MYO3B: variants seen among roughly 807,000 people sequenced by gnomAD.
MYO3B encodes myosin IIIB, also known as myosin-IIIb.
MYO3B carries 156 observed loss-of-function variants against 174.6 expected under a neutral mutation model. That is an observed-to-expected ratio of 0.89 (90% CI 0.78 to 1.02). The LOEUF is 1.02. MYO3B is among the 50% of genes least tolerant of loss of function. MYO3B has a pLI of 0.00. For synonymous variants in MYO3B, 563 were observed against 569.1 expected (o/e 0.99, Z 0.15); for missense variants, 1,632 against 1,639.4 (o/e 1.00, Z 0.08).
At chr2:170,220,653 A>T (rs11690057) in intron 6 of MYO3B, among the ~76,000 whole-genome samples, 64,649 of 140,892 alleles carry the variant, frequency 0.46, 15,632 homozygotes, top group East Asian at 0.55. Flanking sequence ...AAAAAAAAAA[A>T]ATGGAGTGTT....
chr2:170,387,399 C>A, intron 14 of MYO3B, 91 bp downstream of exon 14: 3 of 1,188,934 alleles, frequency 2.5e-6, no homozygotes, highest in South Asian at 2.8e-5. Flanking sequence ...CATTCTTGTT[C>A]TTAACATTCC....
chr2:170,426,419 T>C (rs1212678467), intron 22 of MYO3B, among the ~76,000 whole-genome samples: 2 of 149,908 alleles, frequency 1.3e-5, no homozygotes, highest in Non-Finnish European at 3.0e-5. Flanking sequence ...CACTGCAAGC[T>C]CTGCCTCCTG....
intron 8 of MYO3B, chr2:170,343,928 G>A (rs2093996398): frequency 1.3e-5 from 2 of 152,222 alleles, no homozygotes; most frequent in South Asian, 4.1e-4. Context: ...CCCAAAAACA[G>A]TGGCTTTAAA....
At chr2:170,187,229 CT>C (rs1053075262) in intron 1 of MYO3B, among the ~76,000 whole-genome samples, 2 of 151,130 alleles carry the variant, frequency 1.3e-5, no homozygotes, top group East Asian at 1.9e-4. Context: ...TTTTCTAGTT[CT>C]TTTTTTTGTT....
chr2:170,199,267 C>G lies in MYO3B; in HGVS notation c.62C>G (p.Pro21Arg), dbSNP rs1347995594. 1 of 1,613,464 alleles carries G rather than the reference C, an allele frequency of 6.2e-7. No individual in the cohort carries two copies. The highest frequency in any genetic ancestry group is 1.7e-5 in the Admixed American group (1 of 59,962). ...ATGATGCTTGGACTTGAATCACTTC[C>G]AGATCCCACAGACACCTGGGAAATT... Reference protein sequence around the residue: ...NPMMLGLESLPDPTDTWEIIE... With the variant: ...NPMMLGLESLRDPTDTWEIIE... The change falls in exon 2 of 35, where the codon CCA becomes CGA. Residue 21 changes from proline to arginine, a missense_variant. Transcript: ENST00000408978.
chr2:170,466,764 C>A, intron 25 of MYO3B, 53 bp downstream of exon 25: 2 of 1,540,520 alleles, frequency 1.3e-6, no homozygotes, highest in Non-Finnish European at 1.8e-6. Context: ...TCTACTCTGG[C>A]CATCCCTGTG....
At chr2:170,547,474 A>G (rs976270234) in intron 32 of MYO3B, among the ~76,000 whole-genome samples, 11 of 152,230 alleles carry the variant, frequency 7.2e-5, no homozygotes. Context: ...ATTTAATAGG[A>G]CTGACAGCAA....
chr2:170,422,398 G>A (rs1371379236), intron 22 of MYO3B, among the ~76,000 whole-genome samples: 2 of 151,724 alleles, frequency 1.3e-5, no homozygotes, highest in African/African-American at 4.8e-5. Context: ...TGTTTACTTG[G>A]CTCTCTTTAG....
intron 8 of MYO3B, among the ~76,000 whole-genome samples, chr2:170,351,420 A>G (rs2094068363): frequency 6.6e-6 from 1 of 152,168 alleles, no homozygotes. Context: ...ACCCAGGACT[A>G]TGACTTTTAG....
chr2:170,435,632 A>G (rs2094748032), intron 22 of MYO3B, among the ~76,000 whole-genome samples: 1 of 152,210 alleles, frequency 6.6e-6, no homozygotes, highest in Non-Finnish European at 1.5e-5. Flanking sequence ...GATGAACTGA[A>G]GCATCTGATT....
intron 7 of MYO3B, among the ~76,000 whole-genome samples, chr2:170,294,470 T>C (rs893230595): frequency 5.9e-5 from 9 of 152,058 alleles, no homozygotes; most frequent in Non-Finnish European, 1.3e-4. Flanking sequence ...GCTATATTTT[T>C]GAAGATTGAT....
At position 170,391,522 on chromosome 2, in the gene MYO3B, G is replaced by A. The variant is rs1325403128; in HGVS notation, c.1580G>A (p.Arg527Lys). 1.2e-5 allele frequency: 17 copies of A among 1,436,580 alleles called. No individual in the cohort carries two copies. The highest frequency in any genetic ancestry group is 1.4e-5 in the Non-Finnish European group (15 of 1,065,310). 89.0% of individuals were successfully genotyped at this position (1,436,580 alleles called of 1,614,324 possible). The change falls in exon 15 of 35, where the codon AGA becomes AAA. Residue 527 changes from arginine (R) to lysine (K), a missense_variant and splice_region_variant. Arg to Lys is a conservative substitution (Grantham distance 26). Transcript: ENST00000408978. ...EKSRVIKQAA[R>K]EKNFHIFYYI... ...ACTAAAGTCTCTTTTTTTTTCAGGA[G>A]AGAGAAAAATTTTCATATATTTTAC...
At chr2:170,409,999 T>A (rs2094535083) in intron 22 of MYO3B, among the ~76,000 whole-genome samples, 1 of 152,230 alleles carries the variant, frequency 6.6e-6, no homozygotes, top group Admixed American at 6.5e-5. Context: ...TTGCCAATGC[T>A]TGTTTCAGGC....
intron 28 of MYO3B, among the ~76,000 whole-genome samples, chr2:170,514,169 C>T (rs559099718): frequency 2.8e-4 from 42 of 152,298 alleles, no homozygotes; most frequent in African/African-American, 8.7e-4. Flanking sequence ...ATGGAAAGAA[C>T]CTGCCTTCTC....
At position 170,400,290 on chromosome 2, in the gene MYO3B, C is replaced by T; in HGVS notation, c.1894C>T (p.Pro632Ser). The T allele has an allele frequency of 6.2e-7, 1 of 1,613,948 alleles. No homozygotes were observed. Among genetic ancestry groups the T allele is most frequent in the Non-Finnish European group, 8.5e-7 (1 of 1,179,980 alleles). The change falls in exon 17 of 35, where the codon CCC becomes TCC. Residue 632 changes from proline to serine, a missense_variant. Physicochemically the swap from Pro to Ser is moderately conservative, Grantham distance 74. Coordinates refer to ENST00000408978, the MANE Select transcript of MYO3B (RefSeq NM_138995.5). ...ACATCAGACTGATAAAAGTGAGGTG[C>T]CCAATGCTGAAGCTTTGCAAAATGG... ...SQHQTDKSEV[P>S]NAEALQNAAS...
rs2094353284 is a variant in MYO3B, at chr2:170,383,785, C to T, written c.1261C>T (p.Gln421Ter). 1.2e-6 allele frequency: 2 copies of T among 1,613,546 alleles called. No homozygotes were observed. Among genetic ancestry groups the T allele is most frequent in the Admixed American group, 1.7e-5 (1 of 59,980 alleles). The change falls in exon 12 of 35, where the codon CAG (glutamine) becomes TAG (stop). Residue 421 changes from glutamine (Q) to a stop codon, truncating the protein, a stop_gained. Transcript: ENST00000408978. LOFTEE classifies it high-confidence loss of function. Reference protein sequence around the residue: ...HIFASADAAYQCMVTLSKDQC... With the variant: ...HIFASADAAY Reference sequence around the variant, plus strand: ...ATTTGCATCAGCAGATGCTGCTTACCAGTGCATGGTTACTCTCAGCAAAGA... The same window carrying T: ...ATTTGCATCAGCAGATGCTGCTTACTAGTGCATGGTTACTCTCAGCAAAGA...
Position 170,214,647 on chromosome 2 carries a change from A to G in MYO3B, c.427-82A>G, listed in dbSNP as rs2105366487. The G allele has an allele frequency of 2.5e-5, 35 of 1,377,574 alleles. No homozygotes were observed. In the South Asian group the frequency reaches 3.9e-4, roughly 15 times the overall value. The allele number at this position is 1,377,574 out of a possible 1,614,324, so 85.3% of individuals were successfully genotyped here. ...GTAGACTTTCATGAGACTTTTCAAT[A>G]GTAGGGTAATTGCTTTAAAATAAGC... On this transcript the variant is annotated intron_variant, in intron 4 of 34. Coordinates refer to ENST00000408978, the MANE Select transcript of MYO3B (RefSeq NM_138995.5).
intron 3 of MYO3B, among the ~76,000 whole-genome samples, chr2:170,213,288 T>G (rs528256147): frequency 1.3e-5 from 2 of 152,066 alleles, no homozygotes; most frequent in Non-Finnish European, 2.9e-5. Context: ...GCTCTCTGAG[T>G]GAGCAATTCC....
intron 32 of MYO3B, among the ~76,000 whole-genome samples, chr2:170,649,126 A>T (rs1309978091): frequency 1.9e-5 from 1 of 52,852 alleles, no homozygotes; most frequent in Non-Finnish European, 3.2e-5. Context: ...TATATAATGT[A>T]TATAAAATAA....
Sources: allele counts gnomAD v4.1 joint callset (sites outside exome capture counted in the v4.1 genomes callset), GRCh38; gene constraint gnomAD v4.1.1; transcripts MANE v1.5; gene names NCBI Gene and HGNC (gene_info 2026-07-23, HGNC 2026-07-21).